Variants in DLG2 observed in about 807,000 individuals in gnomAD.
DLG2 encodes the protein discs large MAGUK scaffold protein 2, also known as disks large homolog 2.
A neutral mutation model predicts 132.5 loss-of-function variants in DLG2; 45 were observed. The ratio of observed to expected loss-of-function variants is 0.34; its 90% CI spans 0.27 to 0.44. DLG2 has a LOEUF of 0.44. Ranked by LOEUF, DLG2 falls within the 20% of genes least tolerant of loss-of-function variation. DLG2 has a pLI of 1.00. For synonymous variants in DLG2, 424 were observed against 419.6 expected (o/e 1.01, Z -0.13); for missense variants, 1,045 against 1,196.9 (o/e 0.87, Z 1.87).
chr11:84,863,979 A>G (rs1271225484), intron 6 of DLG2, among the ~76,000 whole-genome samples: 1 of 152,142 alleles, frequency 6.6e-6, no homozygotes, highest in East Asian at 1.9e-4. Flanking sequence ...AATACATGGG[A>G]TTTCTTTATA....
At chr11:84,670,268 A>C (rs1227230202) in intron 6 of DLG2, among the ~76,000 whole-genome samples, 15 of 152,126 alleles carry the variant, frequency 9.9e-5, no homozygotes, top group Admixed American at 9.8e-4. Context: ...GAGGTTTGTG[A>C]ACTCTCAGAG....
At chr11:84,659,909 T>C (rs1032251313) in intron 6 of DLG2, among the ~76,000 whole-genome samples, 5 of 152,092 alleles carry the variant, frequency 3.3e-5, no homozygotes, top group East Asian at 3.9e-4. Context: ...AAGGTGTCCA[T>C]TGGGCAAGGT....
At chr11:85,415,133 A>G (rs2089707692) in intron 3 of DLG2, among the ~76,000 whole-genome samples, 1 of 152,072 alleles carries the variant, frequency 6.6e-6, no homozygotes, top group African/African-American at 2.4e-5. Flanking sequence ...TTCCTGTGTT[A>G]ATTAGCTGAG....
chr11:85,400,474 C>CTGCT (rs2087944024), intron 3 of DLG2, among the ~76,000 whole-genome samples: 1 of 149,256 alleles, frequency 6.7e-6, no homozygotes. Context: ...TATAAAGACA[C>CTGCT]ATGCACACGT....
rs201869608 is a variant in DLG2 at position 84,357,739 on chromosome 11, ATAAG to A, written c.520-106452_520-106449del. 9.7e-3 allele frequency among the ~76,000 whole-genome samples: 1,481 copies of A among 152,186 alleles called. 23 individuals are homozygous for A. Among genetic ancestry groups the A allele is most frequent in the African/African-American group, 0.033 (1,383 of 41,544 alleles). ...ACTACCTGTTGTTTCTTTTCTAAAT[ATAAG>A]TATTATTTTTCAAATTATTACTAGT... On this transcript the variant is annotated intron_variant, in intron 7 of 27. Coordinates refer to ENST00000376104, the MANE Select transcript of DLG2 (RefSeq NM_001142699.3).
At chr11:85,518,868 A>G (rs1040868878) in intron 3 of DLG2, among the ~76,000 whole-genome samples, 2 of 152,144 alleles carry the variant, frequency 1.3e-5, no homozygotes, top group African/African-American at 4.8e-5. Flanking sequence ...AGCCATGACT[A>G]AAAGTGGTCA....
intron 3 of DLG2, among the ~76,000 whole-genome samples, chr11:85,533,623 C>G (rs1459717993): frequency 6.6e-6 from 1 of 151,714 alleles, no homozygotes; most frequent in East Asian, 1.9e-4. Context: ...TCCAGGTGTC[C>G]TTTTGTTAGA....
At chr11:85,304,840 G>T (rs937365470) in intron 3 of DLG2, among the ~76,000 whole-genome samples, 4 of 152,154 alleles carry the variant, frequency 2.6e-5, no homozygotes, top group African/African-American at 4.8e-5. Context: ...AAATGGAAAT[G>T]ATTTGTCTGC....
At chr11:83,899,788 A>G (rs1285679299) in intron 15 of DLG2, among the ~76,000 whole-genome samples, 2 of 152,114 alleles carry the variant, frequency 1.3e-5, no homozygotes, top group Admixed American at 1.3e-4. Flanking sequence ...AATACAGCAA[A>G]TTGGTAAGAT....
intron 3 of DLG2, among the ~76,000 whole-genome samples, chr11:85,582,607 T>G (rs1241343864): frequency 1.6e-5 from 2 of 124,444 alleles, no homozygotes; most frequent in African/African-American, 6.2e-5. Context: ...GTGGATCACT[T>G]GAGGTCAGGA....
intron 7 of DLG2, among the ~76,000 whole-genome samples, chr11:84,381,804 C>T (rs927940768): frequency 1.3e-5 from 2 of 152,098 alleles, no homozygotes; most frequent in Admixed American, 6.6e-5. Context: ...GATAAAATAA[C>T]CAGATATGGA....
chr11:83,682,015 T>G (rs1440379951), intron 18 of DLG2: 1 of 398,692 alleles, frequency 2.5e-6, no homozygotes, highest in African/African-American at 2.2e-5. Context: ...TAAGCTATTT[T>G]GCTCGTTAAA....
chr11:85,349,820 A>G (rs1009433300), intron 3 of DLG2, among the ~76,000 whole-genome samples: 2 of 152,126 alleles, frequency 1.3e-5, no homozygotes, highest in African/African-American at 4.8e-5. Flanking sequence ...ACTGATGGAC[A>G]TTTTGGTTGG....
intron 3 of DLG2, among the ~76,000 whole-genome samples, chr11:85,483,307 T>C (rs1479390893): frequency 6.6e-6 from 1 of 151,980 alleles, no homozygotes; most frequent in African/African-American, 2.4e-5. Context: ...TGAGATGATG[T>C]ATTCAAAGTG....
At chr11:84,593,286 A>G (rs756484603) in intron 6 of DLG2, among the ~76,000 whole-genome samples, 28 of 152,290 alleles carry the variant, frequency 1.8e-4, no homozygotes, top group Admixed American at 3.3e-4. Context: ...CGCCAATCCC[A>G]TTACTGGATA....
At chr11:85,596,869 A>G (rs1429818726) in intron 3 of DLG2, among the ~76,000 whole-genome samples, 1 of 152,262 alleles carries the variant, frequency 6.6e-6, no homozygotes, top group Non-Finnish European at 1.5e-5. Context: ...ATCAGTACAT[A>G]GGTGCCCACA....
At chr11:84,452,521 A>C (rs765781008) in intron 7 of DLG2, among the ~76,000 whole-genome samples, 17 of 151,792 alleles carry the variant, frequency 1.1e-4, no homozygotes, top group Non-Finnish European at 2.4e-4. Flanking sequence ...CAGTTATCAA[A>C]TTCAAAAGGA....
At chr11:84,154,918 T>C (rs184868126) in intron 9 of DLG2, among the ~76,000 whole-genome samples, 93 of 152,242 alleles carry the variant, frequency 6.1e-4, no homozygotes, top group Non-Finnish European at 1.1e-3. Context: ...ACAAATGGTA[T>C]CTAATTAAAC....
intron 7 of DLG2, among the ~76,000 whole-genome samples, chr11:84,522,541 T>C (rs1243460796): frequency 6.6e-6 from 1 of 152,218 alleles, no homozygotes; most frequent in East Asian, 1.9e-4. Flanking sequence ...TCATCTGCCT[T>C]CAGAGTGACT....
Sources: gnomAD v4.1 joint callset for allele counts (sites outside exome capture counted in the v4.1 genomes callset) on GRCh38, gnomAD v4.1.1 for gene constraint, MANE v1.5 for transcripts, NCBI Gene and HGNC (gene_info 2026-07-23, HGNC 2026-07-21) for gene names.